Variants in IL1RAPL2 observed in about 807,000 individuals in gnomAD.
The protein encoded by IL1RAPL2 is interleukin 1 receptor accessory protein like 2, also known as X-linked interleukin-1 receptor accessory protein-like 2.
Under a neutral mutation model 44.1 loss-of-function variants are expected in IL1RAPL2, and 3 were observed. The observed-to-expected ratio is 0.07, with a 90% CI of 0.03 to 0.18. IL1RAPL2 has a LOEUF of 0.18. IL1RAPL2 is among the 10% of genes least tolerant of loss of function. IL1RAPL2 has a pLI of 1.00. For synonymous variants in IL1RAPL2, 181 were observed against 178.8 expected (o/e 1.01, Z -0.10); for missense variants, 391 against 496.4 (o/e 0.79, Z 2.02).
chrX:104,787,815 G>T (rs1932806532), intron 2 of IL1RAPL2, among the ~76,000 whole-genome samples: 1 of 111,424 alleles, frequency 9.0e-6, no homozygotes, highest in Non-Finnish European at 1.9e-5. Flanking sequence ...CTCTGAATAG[G>T]TTTCAGAAAA....
At chrX:104,845,830 G>C (rs1213642608) in intron 2 of IL1RAPL2, among the ~76,000 whole-genome samples, 5 of 111,670 alleles carry the variant, frequency 4.5e-5, no homozygotes, top group African/African-American at 1.6e-4. Context: ...TTATCCTATA[G>C]TTAGGTTTTC....
At chrX:105,074,160 T>C (rs2032252942) in intron 2 of IL1RAPL2, among the ~76,000 whole-genome samples, 1 of 111,656 alleles carries the variant, frequency 9.0e-6, no homozygotes, top group Non-Finnish European at 1.9e-5. Flanking sequence ...TCTTCTAGGG[T>C]TTTTATGGTT....
At chrX:104,647,161 G>A (rs1273244097) in intron 1 of IL1RAPL2, 1 of 288,866 alleles carries the variant, frequency 3.5e-6, no homozygotes, top group Admixed American at 4.7e-5. Flanking sequence ...TCAGGGCTGT[G>A]GCCTAGTCAG....
chrX:105,682,862 AT>A lies in IL1RAPL2; in HGVS notation c.773-34498del, dbSNP rs757230615. 1.2e-4 allele frequency among the ~76,000 whole-genome samples: 14 copies of A among 112,379 alleles called. No homozygotes were observed. In the East Asian group the frequency reaches 2.5e-3, roughly 20 times the overall value. On this transcript the variant is annotated intron_variant, in intron 6 of 10. Coordinates refer to ENST00000372582, the MANE Select transcript of IL1RAPL2 (RefSeq NM_017416.2). ...AAAGATAAGGTGAAAGCTTTATTTT[AT>A]TTTTTTATATGCAGGATTAGACTTG...
chrX:104,958,458 G>T (rs41372050), intron 2 of IL1RAPL2, among the ~76,000 whole-genome samples: 31 of 104,898 alleles, frequency 3.0e-4, no homozygotes, highest in East Asian at 6.1e-4. Flanking sequence ...TTGCTGCTTA[G>T]GTAATTCATG....
intron 2 of IL1RAPL2, among the ~76,000 whole-genome samples, chrX:104,895,635 A>G (rs937731768): frequency 8.9e-6 from 1 of 112,380 alleles, no homozygotes; most frequent in Non-Finnish European, 1.9e-5. Flanking sequence ...CTGTTGGAAT[A>G]GCACAGTATT....
At chrX:105,036,336 T>C (rs1308436141) in intron 2 of IL1RAPL2, among the ~76,000 whole-genome samples, 1 of 111,586 alleles carries the variant, frequency 9.0e-6, no homozygotes, top group Non-Finnish European at 1.9e-5. Flanking sequence ...ATCATACAGC[T>C]AGTTAATAGC....
chrX:104,773,997 G>C (rs1932680639), intron 2 of IL1RAPL2, among the ~76,000 whole-genome samples: 1 of 112,078 alleles, frequency 8.9e-6, no homozygotes, highest in Non-Finnish European at 1.9e-5. Flanking sequence ...AGGAGAGAAA[G>C]AGACAGAGTG....
At chrX:104,598,070 A>C (rs1366600170) in intron 1 of IL1RAPL2, among the ~76,000 whole-genome samples, 4 of 112,178 alleles carry the variant, frequency 3.6e-5, no homozygotes, top group East Asian at 2.8e-4. Context: ...ATGTCAACCA[A>C]TGGCTGTCCT....
intron 2 of IL1RAPL2, among the ~76,000 whole-genome samples, chrX:104,857,278 G>T (rs1922390352): frequency 8.9e-6 from 1 of 111,788 alleles, no homozygotes; most frequent in Non-Finnish European, 1.9e-5. Context: ...AGATGTTAAA[G>T]CTGCAGGTGG....
At chrX:105,203,217 C>G (rs1287036957) in intron 3 of IL1RAPL2, among the ~76,000 whole-genome samples, 2 of 112,022 alleles carry the variant, frequency 1.8e-5, no homozygotes, top group African/African-American at 3.2e-5. Context: ...TTTGCTTACC[C>G]AAGAACATCA....
At chrX:104,611,457 C>T (rs1415171226) in intron 1 of IL1RAPL2, among the ~76,000 whole-genome samples, 3 of 110,902 alleles carry the variant, frequency 2.7e-5, no homozygotes, top group African/African-American at 9.9e-5. Flanking sequence ...AGCATAAAAC[C>T]GCCTACTCAA....
At chrX:105,101,530 A>G (rs1337015872) in intron 2 of IL1RAPL2, among the ~76,000 whole-genome samples, 1 of 111,809 alleles carries the variant, frequency 8.9e-6, no homozygotes. Context: ...TTAAGCCCTT[A>G]CCAGTATCTA....
chrX:105,264,362 G>A (rs755564576), intron 4 of IL1RAPL2, among the ~76,000 whole-genome samples: 54 of 111,302 alleles, frequency 4.9e-4, no homozygotes, highest in Admixed American at 2.5e-3. Flanking sequence ...ACCCAGTCTT[G>A]GGTATTTCTT....
At position 105,247,572 on chromosome X, in the gene IL1RAPL2, A is replaced by G. The variant is rs755769370; in HGVS notation, c.543+13568A>G. On this transcript the variant is annotated intron_variant, in intron 4 of 10. Coordinates refer to ENST00000372582, the MANE Select transcript of IL1RAPL2 (RefSeq NM_017416.2). ...AAATTTTACAAAAAGAGACCACTAAATAGAATAGAAGTGTGTGTGTATATA... is the reference window on the plus strand; with the variant it reads ...AAATTTTACAAAAAGAGACCACTAAGTAGAATAGAAGTGTGTGTGTATATA... Among the ~76,000 whole-genome samples, 239 of 105,689 alleles carry G rather than the reference A, an allele frequency of 2.3e-3. 1 individual carries two copies. The highest frequency in any genetic ancestry group is 2.0e-3 in the Non-Finnish European group (103 of 51,870). 91.8% of individuals were successfully genotyped at this position (105,689 alleles called of 115,157 possible).
At chrX:104,699,123 C>CT (rs34356758) in intron 2 of IL1RAPL2, among the ~76,000 whole-genome samples, 2 of 111,591 alleles carry the variant, frequency 1.8e-5, no homozygotes, top group South Asian at 3.9e-4. Context: ...GGTCCCCAAC[C>CT]TTTTTTACCA....
At chrX:105,116,401 G>A (rs987398384) in intron 2 of IL1RAPL2, among the ~76,000 whole-genome samples, 21 of 112,998 alleles carry the variant, frequency 1.9e-4, no homozygotes, top group Non-Finnish European at 3.6e-4. Context: ...TGCATAGTAG[G>A]TACTTAGTAA....
At chrX:105,363,616 C>T (rs1339229249) in intron 5 of IL1RAPL2, among the ~76,000 whole-genome samples, 1 of 109,185 alleles carries the variant, frequency 9.2e-6, no homozygotes, top group Non-Finnish European at 1.9e-5. Context: ...TGTTAGCATT[C>T]ATCTTTTTGA....
intron 10 of IL1RAPL2, among the ~76,000 whole-genome samples, chrX:105,756,494 A>G (rs193033986): frequency 8.9e-6 from 1 of 111,994 alleles, no homozygotes; most frequent in Non-Finnish European, 1.9e-5. Context: ...CAGGAGACAA[A>G]TGGAAACAAA....
Sources: allele counts gnomAD v4.1 joint callset (sites outside exome capture counted in the v4.1 genomes callset), GRCh38; gene constraint gnomAD v4.1.1; transcripts MANE v1.5; gene names NCBI Gene and HGNC (gene_info 2026-07-23, HGNC 2026-07-21).